The following XKR9 variants were observed in gnomAD, a reference collection of about 807,000 sequenced individuals.
XKR9 encodes the protein XK-related protein 9.
XKR9 carries 32 observed loss-of-function variants against 32.0 expected under a neutral mutation model. The ratio of observed to expected loss-of-function variants is 1.00; its 90% CI spans 0.76 to 1.34. The LOEUF is 1.34. XKR9 is among the 40% of genes most tolerant of loss of function. XKR9 has a pLI of 0.00. For missense variants in XKR9, 546 were observed against 429.7 expected (o/e 1.27, Z -2.39); for synonymous variants, 168 against 143.4 (o/e 1.17, Z -1.22).
the XKR9 span, among the ~76,000 whole-genome samples, chr8:70,952,289 G>A: frequency 6.6e-6 from 1 of 151,974 alleles, no homozygotes; most frequent in African/African-American, 2.4e-5. Context: ...TCTCCACATG[G>A]TGTGATGCTT....
the XKR9 span, among the ~76,000 whole-genome samples, chr8:70,965,835 T>G: frequency 6.6e-6 from 1 of 152,034 alleles, no homozygotes; most frequent in Non-Finnish European, 1.5e-5. Context: ...TTGATTCTTC[T>G]CTCTATCTCC....
At chr8:70,789,494 G>C (rs942635949) in intron 3 of XKR9, 5 of 152,002 alleles carry the variant, frequency 3.3e-5, no homozygotes, top group African/African-American at 4.8e-5. Context: ...TTATGGTATG[G>C]TGGTCAGCTC....
At chr8:70,846,478 A>G in the XKR9 span, among the ~76,000 whole-genome samples, 4 of 152,118 alleles carry the variant, frequency 2.6e-5, no homozygotes, top group African/African-American at 9.6e-5. Context: ...GAACAAAGAT[A>G]TACAAAACAA....
chr8:70,756,561 G>A (rs1428912834), intron 2 of XKR9, among the ~76,000 whole-genome samples: 2 of 152,174 alleles, frequency 1.3e-5, no homozygotes, highest in African/African-American at 4.8e-5. Flanking sequence ...ATAGATTTCA[G>A]AGTATAAGTT....
chr8:70,881,151 TA>T, the XKR9 span, among the ~76,000 whole-genome samples: 3 of 152,048 alleles, frequency 2.0e-5, no homozygotes, highest in Non-Finnish European at 4.4e-5. Context: ...ATGTTAGACC[TA>T]AACCACAAAA....
At chr8:70,771,443 A>C (rs16937213) in intron 2 of XKR9, among the ~76,000 whole-genome samples, 2,716 of 152,294 alleles carry the variant, frequency 0.018, 75 homozygotes, top group African/African-American at 0.063. Flanking sequence ...TTGTGGTCCA[A>C]GTGATTACTA....
chr8:70,712,482 A>C (rs1180561634), intron 4 of XKR9, among the ~76,000 whole-genome samples: 1 of 152,070 alleles, frequency 6.6e-6, no homozygotes, highest in Admixed American at 6.6e-5. Context: ...GGGTCCTCAC[A>C]ACCTTGGTGA....
the XKR9 span, among the ~76,000 whole-genome samples, chr8:70,928,863 C>A: frequency 6.6e-6 from 1 of 152,120 alleles, no homozygotes; most frequent in Non-Finnish European, 1.5e-5. Context: ...TAAAACAAAT[C>A]CAACTATAGG....
At chr8:70,849,668 A>G in the XKR9 span, among the ~76,000 whole-genome samples, 1 of 152,324 alleles carries the variant, frequency 6.6e-6, no homozygotes, top group Non-Finnish European at 1.5e-5. Context: ...AAAAAAATCA[A>G]TGAATCCAGG....
At chr8:70,753,006 T>C (rs1445993497) in intron 2 of XKR9, among the ~76,000 whole-genome samples, 1 of 151,886 alleles carries the variant, frequency 6.6e-6, no homozygotes, top group Non-Finnish European at 1.5e-5. Flanking sequence ...TCAACAAAAT[T>C]GATAGACCGC....
At chr8:71,043,092 C>T in the XKR9 span, among the ~76,000 whole-genome samples, 3 of 152,076 alleles carry the variant, frequency 2.0e-5, no homozygotes, top group East Asian at 1.9e-4. Flanking sequence ...AGATCTCAAC[C>T]GCTAAGTGGT....
At chr8:70,858,577 C>T in the XKR9 span, among the ~76,000 whole-genome samples, 1 of 152,120 alleles carries the variant, frequency 6.6e-6, no homozygotes, top group South Asian at 2.1e-4. Flanking sequence ...AAGAACAATG[C>T]TGGAGGCATC....
At chr8:70,724,077 C>G (rs1181553840) in intron 4 of XKR9, among the ~76,000 whole-genome samples, 2 of 152,108 alleles carry the variant, frequency 1.3e-5, no homozygotes, top group African/African-American at 2.4e-5. Context: ...TTCGGAGATG[C>G]CCTGCCCAGT....
intron 3 of XKR9, among the ~76,000 whole-genome samples, chr8:70,683,832 A>T (rs1819169387): frequency 1.3e-5 from 2 of 152,040 alleles, no homozygotes; most frequent in African/African-American, 4.8e-5. Context: ...GCCTTTTAGA[A>T]TTTCATCTAT....
At chr8:71,032,391 C>G in the XKR9 span, among the ~76,000 whole-genome samples, 17 of 151,468 alleles carry the variant, frequency 1.1e-4, no homozygotes, top group African/African-American at 3.4e-4. Flanking sequence ...AAGTGTTTAC[C>G]AGCCTTTAAG....
At chr8:70,972,448 C>T in the XKR9 span, among the ~76,000 whole-genome samples, 23 of 152,024 alleles carry the variant, frequency 1.5e-4, no homozygotes, top group Non-Finnish European at 2.8e-4. Flanking sequence ...GATTTGGGTG[C>T]CCTTAATTTT....
At chr8:70,798,580 T>A in the XKR9 span, among the ~76,000 whole-genome samples, 2 of 152,200 alleles carry the variant, frequency 1.3e-5, no homozygotes, top group Non-Finnish European at 2.9e-5. Context: ...TCAACTTTTG[T>A]TTTTGTTGCA....
the XKR9 span, among the ~76,000 whole-genome samples, chr8:71,059,205 C>A: frequency 6.6e-6 from 1 of 152,202 alleles, no homozygotes; most frequent in Non-Finnish European, 1.5e-5. Context: ...GGAGTGTCAA[C>A]CTTTGTTGAC....
the XKR9 span, among the ~76,000 whole-genome samples, chr8:70,995,131 TTCTTCTCAA>T: frequency 2.0e-5 from 3 of 152,206 alleles, no homozygotes; most frequent in African/African-American, 7.2e-5. Context: ...TTGTATCTGC[TTCTTCTCAA>T]TAGCCTTCAG....
Sources: allele counts gnomAD v4.1 joint callset (sites outside exome capture counted in the v4.1 genomes callset), GRCh38; gene constraint gnomAD v4.1.1; transcripts MANE v1.5; gene names NCBI Gene and HGNC (gene_info 2026-07-23, HGNC 2026-07-21).